TNRC6A: variants seen among roughly 807,000 people sequenced by gnomAD.
The protein encoded by TNRC6A is trinucleotide repeat-containing gene 6A protein.
A neutral mutation model predicts 221.2 loss-of-function variants in TNRC6A; 44 were observed. The ratio of observed to expected loss-of-function variants is 0.20; its 90% CI spans 0.16 to 0.26. TNRC6A has a LOEUF of 0.26. Among genes scored for constraint, TNRC6A ranks in the 10% least tolerant of loss-of-function variants. The pLI, the probability that TNRC6A is intolerant of heterozygous loss-of-function variation, is 1.00. For synonymous variants in TNRC6A, 847 were observed against 838.5 expected (o/e 1.01, Z -0.18); for missense variants, 2,199 against 2,404.4 (o/e 0.91, Z 1.79).
intron 2 of TNRC6A, among the ~76,000 whole-genome samples, chr16:24,687,881 A>AAGC (rs1417529908): frequency 6.8e-6 from 1 of 147,892 alleles, no homozygotes; most frequent in Non-Finnish European, 1.5e-5. Flanking sequence ...GAAGAAGAAG[A>AAGC]AGCAGCTTAT....
In TNRC6A at chr16:24,789,452, C is replaced by T; in HGVS notation, c.810C>T (p.Ile270=). ...SSSESERNIT[I]MASGNTGGEK... ...CTGAATCAGAGAGAAACATCACTAT[C>T]ATGGCTTCAGGGAACACAGGTGGTG... Residue 270 remains isoleucine (I), a synonymous_variant, in exon 6 of 25, where the codon ATC becomes ATT. Transcript: ENST00000395799. 2.5e-6 allele frequency: 4 copies of T among 1,614,194 alleles called. No homozygotes were observed. Among genetic ancestry groups the T allele is most frequent in the Non-Finnish European group, 3.4e-6 (4 of 1,180,040 alleles).
intron 2 of TNRC6A, chr16:24,663,968 T>C (rs753028839): frequency 8.8e-6 from 4 of 456,638 alleles, no homozygotes; most frequent in South Asian, 3.1e-5. Flanking sequence ...CTCTGAGATG[T>C]GCAGGGTTTA....
At chr16:24,730,154 C>A (rs1596560491) in intron 1 of TNRC6A, 99 bp from the exon 2 acceptor site, 2 of 1,271,130 alleles carry the variant, frequency 1.6e-6, no homozygotes, top group Non-Finnish European at 1.1e-6. Flanking sequence ...CCCATCCGGC[C>A]CCGGCGCGAG....
At chr16:24,695,633 C>T (rs1358343047) in intron 2 of TNRC6A, among the ~76,000 whole-genome samples, 1 of 151,932 alleles carries the variant, frequency 6.6e-6, no homozygotes, top group African/African-American at 2.4e-5. Context: ...CTCCTGACCT[C>T]GTGATCTGCC....
At chr16:24,808,762 C>G (rs1273041594) in intron 17 of TNRC6A, among the ~76,000 whole-genome samples, 2 of 152,108 alleles carry the variant, frequency 1.3e-5, no homozygotes, top group Non-Finnish European at 2.9e-5. Context: ...GATTCTGGCT[C>G]CCACTGGAAA....
chr16:24,626,751 G>C (rs1218944855), intron 1 of TNRC6A, among the ~76,000 whole-genome samples: 1 of 148,276 alleles, frequency 6.7e-6, no homozygotes, highest in Admixed American at 6.9e-5. Context: ...CCGGGTTCAC[G>C]CCATTCTCTT....
intron 11 of TNRC6A, among the ~76,000 whole-genome samples, chr16:24,802,546 C>G (rs1009297911): frequency 5.9e-5 from 9 of 151,916 alleles, no homozygotes; most frequent in Non-Finnish European, 1.2e-4. Flanking sequence ...CAGACACTGT[C>G]TCAAAAAAAA....
chr16:24,777,439 G>T, intron 5 of TNRC6A, 81 bp downstream of exon 5: 16 of 1,425,726 alleles, frequency 1.1e-5, no homozygotes, highest in Non-Finnish European at 1.4e-5. Flanking sequence ...TAGCTTTTTG[G>T]TGATGTATTT....
rs2057741987 is a variant in TNRC6A, at chr16:24,777,125, A to C, written c.356A>C (p.Gln119Pro). Residue 119 changes from glutamine to proline, a missense_variant, in exon 5 of 25, where the codon CAG becomes CCG. Around this residue, in one of 8 missense-constraint regions of TNRC6A, gnomAD observed 1,405 missense variants for 1,400.2 expected, o/e 1.00. Transcript: ENST00000395799. ...PQQQPQPQPQ[Q>P]QQPQQQPQAL... ...CAGCAGCCACAGCCGCAGCCGCAGCAGCAGCAGCCACAGCAGCAGCCACAG... is the reference window on the plus strand; with the variant it reads ...CAGCAGCCACAGCCGCAGCCGCAGCCGCAGCAGCCACAGCAGCAGCCACAG... 5.0e-6 allele frequency: 8 copies of C among 1,611,330 alleles called. No homozygotes were observed. Among genetic ancestry groups the C allele is most frequent in the Admixed American group, 1.7e-5 (1 of 59,886 alleles).
chr16:24,723,772 A>G (rs917708325), intron 2 of TNRC6A, among the ~76,000 whole-genome samples: 1 of 152,130 alleles, frequency 6.6e-6, no homozygotes, highest in African/African-American at 2.4e-5. Context: ...CAGTAATGCA[A>G]TTATCACATA....
intron 1 of TNRC6A, among the ~76,000 whole-genome samples, chr16:24,623,649 A>G (rs1368866060): frequency 6.6e-6 from 1 of 151,964 alleles, no homozygotes; most frequent in African/African-American, 2.4e-5. Flanking sequence ...TAATCCTAGC[A>G]CTTTGGGAGG....
intron 16 of TNRC6A, 53 bp downstream of exon 16, chr16:24,806,336 T>G (rs2058431798): frequency 1.3e-6 from 2 of 1,590,902 alleles, no homozygotes; most frequent in Admixed American, 3.4e-5. Flanking sequence ...TAAACTCTGC[T>G]TATCTCCATT....
At chr16:24,793,227 C>A (rs1256720594) in intron 6 of TNRC6A, 3 of 289,344 alleles carry the variant, frequency 1.0e-5, no homozygotes, top group Non-Finnish European at 1.9e-5. Context: ...ATGCAAAAAT[C>A]AGCTCTAGGT....
chr16:24,654,650 C>T (rs970813622), intron 2 of TNRC6A, among the ~76,000 whole-genome samples: 4 of 151,790 alleles, frequency 2.6e-5, no homozygotes, highest in African/African-American at 7.3e-5. Context: ...ACCCAGGAGG[C>T]GGAGGTTGCA....
At chr16:24,715,918 G>A (rs916556281) in intron 2 of TNRC6A, among the ~76,000 whole-genome samples, 3 of 151,860 alleles carry the variant, frequency 2.0e-5, no homozygotes, top group Admixed American at 6.6e-5. Context: ...ACTGTGCCTG[G>A]CCCATTCTTG....
intron 2 of TNRC6A, among the ~76,000 whole-genome samples, chr16:24,709,205 C>T (rs758703529): frequency 1.9e-4 from 29 of 151,478 alleles, no homozygotes; most frequent in Non-Finnish European, 3.2e-4. Context: ...TGCGGTGAAC[C>T]GAGATCATAC....
At chr16:24,707,154 C>T (rs921205830) in intron 2 of TNRC6A, among the ~76,000 whole-genome samples, 1 of 151,980 alleles carries the variant, frequency 6.6e-6, no homozygotes, top group Non-Finnish European at 1.5e-5. Flanking sequence ...TGCCACCACA[C>T]TTGGCTAATT....
intron 14 of TNRC6A, chr16:24,805,392 A>AT (rs2151985891): frequency 1.1e-6 from 1 of 902,816 alleles, no homozygotes; most frequent in Admixed American, 2.9e-5. Context: ...GCAAAGTAAA[A>AT]TTGACTAGTT....
At chr16:24,741,891 C>G (rs1486778099) in intron 2 of TNRC6A, among the ~76,000 whole-genome samples, 1 of 152,092 alleles carries the variant, frequency 6.6e-6, no homozygotes, top group Admixed American at 6.5e-5. Context: ...GGCTGGAATA[C>G]AGTGGCGTGA....
Sources: allele counts gnomAD v4.1 joint callset (sites outside exome capture counted in the v4.1 genomes callset), GRCh38; gene constraint gnomAD v4.1.1; regional missense constraint gnomAD v4.1.1; transcripts MANE v1.5; gene names NCBI Gene and HGNC (gene_info 2026-07-23, HGNC 2026-07-21).